ERC2: variants seen among roughly 807,000 people sequenced by gnomAD.
The protein encoded by ERC2 is ELKS/RAB6-interacting/CAST family member 2, also known as ERC protein 2.
In ERC2, 42 loss-of-function variants were observed where a neutral mutation model predicts 114.8. The ratio of observed to expected loss-of-function variants is 0.37; its 90% CI spans 0.29 to 0.47. The LOEUF (loss-of-function observed/expected upper bound fraction) is 0.47, where lower values mean the gene tolerates loss of function less well. ERC2 is among the 20% of genes least tolerant of loss of function. The pLI, the probability that ERC2 is intolerant of heterozygous loss-of-function variation, is 0.99. For synonymous variants in ERC2, 454 were observed against 425.5 expected (o/e 1.07, Z -0.82); for missense variants, 939 against 1,150.7 (o/e 0.82, Z 2.66).
intron 17 of ERC2, among the ~76,000 whole-genome samples, chr3:55,650,251 A>G (rs1371552966): frequency 6.6e-6 from 1 of 152,092 alleles, no homozygotes; most frequent in African/African-American, 2.4e-5. Flanking sequence ...TCCCTGCAAA[A>G]AGAGTCCTCG....
At chr3:55,531,620 T>C (rs78146850) in intron 17 of ERC2, among the ~76,000 whole-genome samples, 1,932 of 152,292 alleles carry the variant, frequency 0.013, 42 homozygotes, top group African/African-American at 0.044. Context: ...TATAACCACA[T>C]GCACAAATCA....
At chr3:55,645,162 A>G (rs1394537189) in intron 17 of ERC2, among the ~76,000 whole-genome samples, 1 of 152,194 alleles carries the variant, frequency 6.6e-6, no homozygotes, top group Non-Finnish European at 1.5e-5. Flanking sequence ...GAGTATATGT[A>G]TATTATTTTT....
At chr3:56,368,500 T>A (rs1032891954) in intron 2 of ERC2, among the ~76,000 whole-genome samples, 2 of 152,176 alleles carry the variant, frequency 1.3e-5, no homozygotes, top group African/African-American at 4.8e-5. Context: ...TTCAACAACA[T>A]GCAAGAGTTA....
chr3:55,845,231 G>A (rs2061301842), intron 14 of ERC2, among the ~76,000 whole-genome samples: 2 of 152,140 alleles, frequency 1.3e-5, no homozygotes, highest in Admixed American at 6.5e-5. Context: ...TGGGCCAGGC[G>A]CGGTGGCTCA....
chr3:56,180,417 A>G (rs2083226670), intron 3 of ERC2, among the ~76,000 whole-genome samples: 2 of 152,222 alleles, frequency 1.3e-5, no homozygotes, highest in Admixed American at 1.3e-4. Flanking sequence ...AAGCAACCCA[A>G]ATGTCCATAG....
intron 14 of ERC2, among the ~76,000 whole-genome samples, chr3:55,774,984 G>A (rs1461380495): frequency 6.6e-6 from 1 of 152,072 alleles, no homozygotes; most frequent in Non-Finnish European, 1.5e-5. Flanking sequence ...TCACTCCCAG[G>A]TCTAACTAAA....
chr3:56,123,476 A>C (rs1412776494), intron 6 of ERC2, among the ~76,000 whole-genome samples: 1 of 152,104 alleles, frequency 6.6e-6, no homozygotes. Context: ...TCTAAGCCAG[A>C]AATTACCAGT....
intron 2 of ERC2, among the ~76,000 whole-genome samples, chr3:56,314,678 G>T (rs11130512): frequency 6.6e-6 from 1 of 151,960 alleles, no homozygotes; most frequent in African/African-American, 2.4e-5. Context: ...GCCACAAGCT[G>T]GTACATGCAT....
intron 17 of ERC2, among the ~76,000 whole-genome samples, chr3:55,584,836 T>C (rs1469258571): frequency 6.6e-6 from 1 of 152,220 alleles, no homozygotes; most frequent in African/African-American, 2.4e-5. Context: ...CATGTAGTAC[T>C]TGGGCATTCC....
intron 6 of ERC2, among the ~76,000 whole-genome samples, chr3:56,104,870 G>A (rs868320444): frequency 5.3e-5 from 8 of 152,094 alleles, no homozygotes; most frequent in African/African-American, 7.2e-5. Flanking sequence ...GACAACAAGC[G>A]CTAAACGTAG....
At chr3:55,745,396 T>C (rs2066243187) in intron 14 of ERC2, among the ~76,000 whole-genome samples, 1 of 152,170 alleles carries the variant, frequency 6.6e-6, no homozygotes, top group African/African-American at 2.4e-5. Context: ...AAATTCAAAA[T>C]AAAAGATTCT....
intron 2 of ERC2, among the ~76,000 whole-genome samples, chr3:56,398,062 T>C (rs1560748739): frequency 6.6e-6 from 1 of 152,228 alleles, no homozygotes; most frequent in African/African-American, 2.4e-5. Context: ...AAATGTAGTC[T>C]TTACTCCAGA....
At chr3:56,049,839 TG>T (rs1292382404) in intron 7 of ERC2, among the ~76,000 whole-genome samples, 9 of 151,174 alleles carry the variant, frequency 6.0e-5, no homozygotes, top group African/African-American at 1.9e-4. Flanking sequence ...TGTGTGTGTG[TG>T]TGTGTGTGTG....
chr3:55,934,231 C>G (rs953433356), intron 13 of ERC2, among the ~76,000 whole-genome samples: 4 of 152,268 alleles, frequency 2.6e-5, no homozygotes, highest in African/African-American at 9.6e-5. Flanking sequence ...TTCTCCCAGT[C>G]AGTGCAAAAG....
At position 56,050,534 on chromosome 3, in the gene ERC2, T is replaced by C. The variant is rs1392047743; in HGVS notation, c.1641+30283A>G. Among the ~76,000 whole-genome samples the C allele has an allele frequency of 3.9e-5, 6 of 152,186 alleles. No homozygotes were observed. The East Asian group carries it at 1.2e-3, about 29-fold the overall frequency. ...GCCAGCCTCCTTTCCACCCTGCCTG[T>C]TTACTCCAGTCACACTGAAGTCCTT... is the stretch of plus-strand genomic sequence containing the variant. On this transcript the variant is annotated intron_variant, in intron 7 of 17. Transcript: ENST00000288221.
chr3:55,990,551 A>G (rs1333373005), intron 11 of ERC2, among the ~76,000 whole-genome samples: 1 of 151,918 alleles, frequency 6.6e-6, no homozygotes, highest in Admixed American at 6.6e-5. Context: ...CAGCCTTCTG[A>G]GTAGCTGGGA....
At chr3:55,599,694 T>C (rs1033014949) in intron 17 of ERC2, among the ~76,000 whole-genome samples, 1 of 152,238 alleles carries the variant, frequency 6.6e-6, no homozygotes, top group Non-Finnish European at 1.5e-5. Context: ...CAGTCATCTA[T>C]AGTAAGAAAT....
intron 11 of ERC2, 43 bp downstream of exon 11, chr3:55,992,014 A>T: frequency 6.3e-7 from 1 of 1,576,354 alleles, no homozygotes; most frequent in South Asian, 1.1e-5. Context: ...CACGCAGTCC[A>T]TGTTCTCTCA....
intron 17 of ERC2, among the ~76,000 whole-genome samples, chr3:55,561,480 T>C (rs1384514928): frequency 1.3e-5 from 2 of 152,176 alleles, no homozygotes; most frequent in African/African-American, 4.8e-5. Flanking sequence ...TATGGGCATT[T>C]GTCAGAACTT....
Sources: gnomAD v4.1 joint callset for allele counts (sites outside exome capture counted in the v4.1 genomes callset) on GRCh38, gnomAD v4.1.1 for gene constraint, MANE v1.5 for transcripts, NCBI Gene and HGNC (gene_info 2026-07-23, HGNC 2026-07-21) for gene names.